The following FTO variants were observed in gnomAD, a reference collection of about 807,000 sequenced individuals.
FTO encodes alpha-ketoglutarate-dependent dioxygenase FTO.
Under a neutral mutation model 63.9 loss-of-function variants are expected in FTO, and 47 were observed. That is an observed-to-expected ratio of 0.74 (90% CI 0.58 to 0.94). The LOEUF (loss-of-function observed/expected upper bound fraction) is 0.94. FTO is among the 40% of genes least tolerant of loss of function. The pLI is 0.00. For missense variants in FTO, 562 were observed against 618.1 expected (o/e 0.91, Z 0.96); for synonymous variants, 207 against 224.4 (o/e 0.92, Z 0.69).
At chr16:53,746,610 G>T (rs1264630157) in intron 1 of FTO, among the ~76,000 whole-genome samples, 1 of 152,018 alleles carries the variant, frequency 6.6e-6, no homozygotes, top group Non-Finnish European at 1.5e-5. Context: ...AATATTATGG[G>T]ATGCAAAGTG....
At chr16:53,934,232 T>A in intron 8 of FTO, 123 bp downstream of exon 8, 1 of 1,019,760 alleles carries the variant, frequency 9.8e-7, no homozygotes, top group Non-Finnish European at 1.5e-6. Flanking sequence ...TAAGCACGTT[T>A]AAGATGCTTT....
At chr16:54,091,347 C>T (rs1365502942) in intron 8 of FTO, among the ~76,000 whole-genome samples, 1 of 152,144 alleles carries the variant, frequency 6.6e-6, no homozygotes, top group African/African-American at 2.4e-5. Flanking sequence ...GATTCAAGAC[C>T]AGCCTGAGCA....
chr16:53,737,015 C>G (rs2076403957), intron 1 of FTO, among the ~76,000 whole-genome samples: 1 of 152,180 alleles, frequency 6.6e-6, no homozygotes, highest in Non-Finnish European at 1.5e-5. Context: ...CTTCTGGTCA[C>G]TTTGTACTTG....
Position 53,826,113 on chromosome 16 carries a change from A to G in FTO, c.373A>G (p.Ile125Val), listed in dbSNP as rs2078999277. 1 of 1,614,068 alleles carries G rather than the reference A, an allele frequency of 6.2e-7. No homozygotes were observed. Among genetic ancestry groups the G allele is most frequent in the African/African-American group, 1.3e-5 (1 of 74,938 alleles). The change falls in exon 3 of 9, where the codon ATA becomes GTA. Residue 125 changes from isoleucine to valine, a missense_variant. Coordinates refer to ENST00000471389, the MANE Select transcript of FTO (RefSeq NM_001080432.3). ...CCCCTGGCCAGTGAAAGGGTCTAAT[A>G]TAAAACACACCGAGGCTGAAATAGC... ...TVPWPVKGSNIKHTEAEIAAA... is the reference protein window; with the variant it reads ...TVPWPVKGSNVKHTEAEIAAA...
intron 8 of FTO, among the ~76,000 whole-genome samples, chr16:53,984,521 A>G (rs1488854905): frequency 7.3e-5 from 11 of 151,650 alleles, no homozygotes; most frequent in Non-Finnish European, 7.4e-5. Flanking sequence ...GGGTCTTGCC[A>G]TGTTGCCTAG....
chr16:53,770,605 A>G (rs1035368375), intron 1 of FTO, among the ~76,000 whole-genome samples: 4 of 152,132 alleles, frequency 2.6e-5, no homozygotes, highest in African/African-American at 9.7e-5. Context: ...AACTAAACAC[A>G]TTTTGCATTT....
chr16:54,037,312 T>C lies in FTO; in HGVS notation c.1365-74450T>C, dbSNP rs566674257. ...GAATGTGGCACACATCCAATGTATTTCCACTGGACCACTCCTTTAAAGAGT... is the reference window on the plus strand; with the variant it reads ...GAATGTGGCACACATCCAATGTATTCCCACTGGACCACTCCTTTAAAGAGT... On this transcript the variant is annotated intron_variant, in intron 8 of 8. Transcript: ENST00000471389. Among the ~76,000 whole-genome samples, 11 of 152,292 alleles carry C rather than the reference T, an allele frequency of 7.2e-5. No individual in the cohort carries two copies. In the East Asian group the frequency reaches 1.9e-3, roughly 27 times the overall value.
At chr16:53,749,378 G>A (rs1317407409) in intron 1 of FTO, among the ~76,000 whole-genome samples, 4 of 151,802 alleles carry the variant, frequency 2.6e-5, no homozygotes, top group Non-Finnish European at 5.9e-5. Context: ...GAATAGAAGT[G>A]GCAAGAGTGG....
At chr16:53,728,925 T>G (rs1297688100) in intron 1 of FTO, among the ~76,000 whole-genome samples, 1 of 144,568 alleles carries the variant, frequency 6.9e-6, no homozygotes, top group Non-Finnish European at 1.5e-5. Flanking sequence ...TCATGACTGG[T>G]TTTTTTTTTT....
chr16:54,055,754 C>T (rs1164360964), intron 8 of FTO, among the ~76,000 whole-genome samples: 1 of 152,130 alleles, frequency 6.6e-6, no homozygotes, highest in Non-Finnish European at 1.5e-5. Flanking sequence ...AATTAAATGA[C>T]ACAGGAAGGT....
At chr16:54,007,559 T>C (rs913735287) in intron 8 of FTO, among the ~76,000 whole-genome samples, 2 of 152,230 alleles carry the variant, frequency 1.3e-5, no homozygotes, top group Non-Finnish European at 2.9e-5. Context: ...CTATCATTAG[T>C]TACTGTTATT....
intron 5 of FTO, among the ~76,000 whole-genome samples, chr16:53,874,958 T>TG (rs1192181287): frequency 6.6e-5 from 10 of 152,024 alleles, no homozygotes; most frequent in Non-Finnish European, 1.0e-4. Flanking sequence ...GAACTTTAGT[T>TG]GGGGGGGACA....
At chr16:53,911,458 C>T (rs1280940657) in intron 7 of FTO, 2 of 703,006 alleles carry the variant, frequency 2.8e-6, no homozygotes, top group Non-Finnish European at 5.2e-6. Flanking sequence ...CCGTTGCATT[C>T]ATCATGGGAA....
chr16:53,766,475 A>G (rs12446228), intron 1 of FTO, among the ~76,000 whole-genome samples: 101,594 of 152,038 alleles, frequency 0.67, 34,441 homozygotes, highest in African/African-American at 0.76. Context: ...TACCCATTTC[A>G]GTGCTCCAAA....
chr16:54,111,901 G>T lies in FTO; in HGVS notation c.1504G>T (p.Glu502Ter), dbSNP rs1476316498. ...IVSELRGQLL[E>*]AKP ...TTCAGAACTCAGAGGTCAGCTTCTG[G>T]AAGCAAAACCCTAGAAGGAGCACAA... is the stretch of plus-strand genomic sequence containing the variant. The change falls in exon 9 of 9, where the codon GAA becomes TAA. Residue 502 changes from glutamate to a stop codon, truncating the protein, a stop_gained. Transcript: ENST00000471389. LOFTEE classifies it high-confidence loss of function. 1 of 1,613,952 alleles carries T rather than the reference G, an allele frequency of 6.2e-7. No homozygotes were observed. The highest frequency in any genetic ancestry group is 8.5e-7 in the Non-Finnish European group (1 of 1,180,034).
At chr16:53,951,567 T>G (rs2082801540) in intron 8 of FTO, among the ~76,000 whole-genome samples, 1 of 152,214 alleles carries the variant, frequency 6.6e-6, no homozygotes, top group African/African-American at 2.4e-5. Context: ...TGAATACTTT[T>G]TATTTGAAAA....
At chr16:53,947,471 C>T (rs1334111285) in intron 8 of FTO, among the ~76,000 whole-genome samples, 3 of 152,108 alleles carry the variant, frequency 2.0e-5, no homozygotes, top group Non-Finnish European at 4.4e-5. Flanking sequence ...AATAAGGGGG[C>T]GGAAGCTATT....
intron 8 of FTO, among the ~76,000 whole-genome samples, chr16:54,108,976 G>T (rs2086816836): frequency 6.6e-6 from 1 of 152,204 alleles, no homozygotes. Flanking sequence ...GGGGACAGAT[G>T]TGCCTTCCAG....
chr16:53,834,824 T>C (rs1345242561), intron 3 of FTO, among the ~76,000 whole-genome samples: 1 of 152,158 alleles, frequency 6.6e-6, no homozygotes, highest in African/African-American at 2.4e-5. Context: ...GTTTTGAACA[T>C]TATATATTGG....
Sources: gnomAD v4.1 joint callset for allele counts (sites outside exome capture counted in the v4.1 genomes callset) on GRCh38, gnomAD v4.1.1 for gene constraint, MANE v1.5 for transcripts, NCBI Gene and HGNC (gene_info 2026-07-23, HGNC 2026-07-21) for gene names.